Variants in LRP5 observed in about 807,000 individuals in gnomAD.
The protein encoded by LRP5 is low-density lipoprotein receptor-related protein 5.
Under a neutral mutation model 154.1 loss-of-function variants are expected in LRP5, and 62 were observed. The ratio of observed to expected loss-of-function variants is 0.40; its 90% CI spans 0.33 to 0.50. The LOEUF (loss-of-function observed/expected upper bound fraction) is 0.50. LRP5 is among the 20% of genes least tolerant of loss of function. LRP5 has a pLI of 0.55. For synonymous variants in LRP5, 966 were observed against 1,011.5 expected (o/e 0.96, Z 0.85); for missense variants, 1,915 against 2,336.7 (o/e 0.82, Z 3.72).
At chr11:68,338,216 A>C (rs913814446) in intron 1 of LRP5, among the ~76,000 whole-genome samples, 1 of 152,126 alleles carries the variant, frequency 6.6e-6, no homozygotes, top group African/African-American at 2.4e-5. Context: ...GCCTAGTGTA[A>C]TGCTTGGTGA....
chr11:68,417,449 CTTTTTTTTTTTTTTTTTT>C (rs1161126346), intron 13 of LRP5, among the ~76,000 whole-genome samples: 2 of 41,598 alleles, frequency 4.8e-5, no homozygotes, highest in African/African-American at 2.1e-4. Context: ...AACAGATTGG[CTTTTTTTTTTTTTTTTTT>C]TTTTTTTTTT....
rs184364720 is a variant in LRP5, at chr11:68,399,438, A to G, written c.1585-4045A>G. 1.1e-4 allele frequency among the ~76,000 whole-genome samples: 16 copies of G among 152,158 alleles called. No homozygotes were observed. In the East Asian group the frequency reaches 3.1e-3, roughly 29 times the overall value. On this transcript the variant is annotated intron_variant, in intron 7 of 22. Transcript: ENST00000294304. Reference sequence around the variant, plus strand: ...ATGCCTGTTCAGTCACGTGCTCTCCATGCTGCTTTCTGCTCCAGAGACCCT... The same window carrying G: ...ATGCCTGTTCAGTCACGTGCTCTCCGTGCTGCTTTCTGCTCCAGAGACCCT...
intron 17 of LRP5, among the ~76,000 whole-genome samples, chr11:68,432,944 T>G (rs2098672765): frequency 6.6e-6 from 1 of 152,210 alleles, no homozygotes; most frequent in Non-Finnish European, 1.5e-5. Flanking sequence ...CCTCCGATGA[T>G]CCTCTCCCTC....
chr11:68,419,619 A>G (rs1445998807), intron 13 of LRP5, among the ~76,000 whole-genome samples: 1 of 150,682 alleles, frequency 6.6e-6, no homozygotes, highest in African/African-American at 2.5e-5. Context: ...AACTCACTGC[A>G]ACCTCTGCCT....
upstream of LRP5, among the ~76,000 whole-genome samples, chr11:68,309,000 C>A (rs2098585880): frequency 7.2e-6 from 1 of 139,504 alleles, no homozygotes; most frequent in African/African-American, 2.7e-5. Context: ...GTGGCGCAAT[C>A]TCGGCTCACT....
At chr11:68,369,202 G>C (rs1045073806) in intron 5 of LRP5, among the ~76,000 whole-genome samples, 7 of 152,148 alleles carry the variant, frequency 4.6e-5, no homozygotes, top group East Asian at 1.9e-4. Context: ...GGGCGTTTCT[G>C]TTCTCTTTGT....
At chr11:68,426,271 G>A in intron 16 of LRP5, 84 bp downstream of exon 16, 4 of 1,215,562 alleles carry the variant, frequency 3.3e-6, no homozygotes, top group Non-Finnish European at 4.6e-6. Context: ...GCAAGATCCT[G>A]TGTGGCCTCA....
intron 1 of LRP5, among the ~76,000 whole-genome samples, chr11:68,327,800 G>A (rs2098600562): frequency 6.6e-6 from 1 of 152,186 alleles, no homozygotes; most frequent in East Asian, 1.9e-4. Context: ...CGGACGGAAT[G>A]TGTTTCGTCC....
chr11:68,443,575 ATATATATATATTTTTT>A (rs1186258720), intron 21 of LRP5, among the ~76,000 whole-genome samples: 8 of 41,370 alleles, frequency 1.9e-4, no homozygotes, highest in East Asian at 1.4e-3. Flanking sequence ...ATATATATAT[ATATATATATATTTTTT>A]TTTTTTTTGG....
At chr11:68,414,152 C>T (rs1359676777) in intron 12 of LRP5, 140 bp downstream of exon 12, 12 of 818,332 alleles carry the variant, frequency 1.5e-5, no homozygotes, top group Non-Finnish European at 2.0e-5. Context: ...GCACAAGCTG[C>T]ATGATGCTAC....
chr11:68,317,319 G>A (rs572125131), intron 1 of LRP5, among the ~76,000 whole-genome samples: 1 of 152,362 alleles, frequency 6.6e-6, no homozygotes, highest in African/African-American at 2.4e-5. Context: ...GGGAGCTGGG[G>A]GCCAAAAGCT....
At chr11:68,441,886 C>G (rs1364934585) in intron 21 of LRP5, among the ~76,000 whole-genome samples, 1 of 152,204 alleles carries the variant, frequency 6.6e-6, no homozygotes. Context: ...TGCATGAAGC[C>G]AGCTGTTTTT....
At chr11:68,354,964 C>A (rs903917578) in intron 2 of LRP5, among the ~76,000 whole-genome samples, 3 of 152,170 alleles carry the variant, frequency 2.0e-5, no homozygotes, top group Non-Finnish European at 2.9e-5. Flanking sequence ...AGCAGCTGGG[C>A]GCAGTCAGCC....
chr11:68,370,016 G>A (rs555312636), intron 5 of LRP5, among the ~76,000 whole-genome samples: 6 of 152,156 alleles, frequency 3.9e-5, no homozygotes, highest in Non-Finnish European at 7.4e-5. Context: ...TGCCAGGCCC[G>A]TGAGAGCTGG....
At chr11:68,327,237 C>T (rs1565319085) in intron 1 of LRP5, among the ~76,000 whole-genome samples, 1 of 152,170 alleles carries the variant, frequency 6.6e-6, no homozygotes, top group Admixed American at 6.5e-5. Flanking sequence ...TGCTGGGCTG[C>T]AGCGAGCCCC....
chr11:68,429,022 G>A (rs1239368072), intron 16 of LRP5, among the ~76,000 whole-genome samples: 3 of 143,178 alleles, frequency 2.1e-5, no homozygotes, highest in Non-Finnish European at 4.5e-5. Flanking sequence ...GCATGAACCC[G>A]GGAGGTGGAG....
chr11:68,300,398 G>T, the LRP5 span, among the ~76,000 whole-genome samples: 4 of 149,348 alleles, frequency 2.7e-5, no homozygotes, highest in East Asian at 7.7e-4. Context: ...TCTGGCCCTT[G>T]CTGTCTCTGG....
At chr11:68,354,868 T>C (rs772499059) in intron 2 of LRP5, among the ~76,000 whole-genome samples, 10 of 152,188 alleles carry the variant, frequency 6.6e-5, no homozygotes, top group Non-Finnish European at 1.3e-4. Context: ...AGACAGCAGC[T>C]TGAGAGGGAC....
intron 5 of LRP5, among the ~76,000 whole-genome samples, chr11:68,383,648 C>G (rs765703718): frequency 9.2e-5 from 14 of 152,256 alleles, no homozygotes; most frequent in Non-Finnish European, 1.5e-4. Context: ...TGTAGTGCTG[C>G]TGTGGATGTG....
Sources: gnomAD v4.1 joint callset for allele counts (sites outside exome capture counted in the v4.1 genomes callset) on GRCh38, gnomAD v4.1.1 for gene constraint, MANE v1.5 for transcripts, NCBI Gene and HGNC (gene_info 2026-07-23, HGNC 2026-07-21) for gene names.